Variants in HBS1L observed in about 807,000 individuals in gnomAD.
The protein encoded by HBS1L is HBS1-like protein.
Under a neutral mutation model 88.9 loss-of-function variants are expected in HBS1L, and 55 were observed. The ratio of observed to expected loss-of-function variants is 0.62; its 90% CI spans 0.50 to 0.77. HBS1L has a LOEUF of 0.77. Ranked by LOEUF, HBS1L falls within the 30% of genes least tolerant of loss-of-function variation. HBS1L has a pLI of 0.00. For missense variants in HBS1L, 741 were observed against 829.3 expected (o/e 0.89, Z 1.31); for synonymous variants, 267 against 288.5 (o/e 0.93, Z 0.76).
intron 16 of HBS1L, among the ~76,000 whole-genome samples, chr6:134,967,993 T>C (rs930573694): frequency 2.0e-5 from 3 of 152,220 alleles, no homozygotes; most frequent in African/African-American, 4.8e-5. Context: ...AGAGGTAAAG[T>C]AGCCCTTCCT....
chr6:135,045,615 C>G (rs1250824618), intron 2 of HBS1L, among the ~76,000 whole-genome samples: 1 of 152,290 alleles, frequency 6.6e-6, no homozygotes, highest in Non-Finnish European at 1.5e-5. Flanking sequence ...GCAGGTGGAT[C>G]ACCTGAGGTC....
intron 13 of HBS1L, among the ~76,000 whole-genome samples, chr6:134,982,084 T>C (rs2114774255): frequency 6.6e-6 from 1 of 152,210 alleles, no homozygotes; most frequent in African/African-American, 2.4e-5. Context: ...TGTAGAAGGC[T>C]GCTTTGCCAC....
In HBS1L at chr6:134,969,264, C is replaced by T. The variant is rs753854026; in HGVS notation, c.1872G>A (p.Thr624=). Residue 624 remains threonine, a synonymous_variant, in exon 16 of 18, where the codon ACG becomes ACA. Transcript: ENST00000367837. The part of the protein sequence containing the change: ...KRLISVLNKS[T]GEVTKKKPKF... The stretch of plus-strand genomic sequence containing the variant: ...TAGGCTTTTTCTTTGTGACTTCACC[C>T]GTGCTTTTGTTTAAGACACTAATCA... 29 of 1,612,772 alleles carry T rather than the reference C, an allele frequency of 1.8e-5. No individual in the cohort carries two copies. The highest frequency in any genetic ancestry group is 1.2e-4 in the Admixed American group (7 of 59,996).
Position 134,962,688 on chromosome 6 carries a change from G to A in HBS1L, c.*2591C>T, listed in dbSNP as rs1774212875. The stretch of plus-strand genomic sequence containing the variant: ...AATCTCACAAAGAGTCAAAGTCAGA[G>A]GACAAAGCCATTAGTGTGAAGAAAC... On this transcript the variant is annotated 3_prime_UTR_variant, in exon 18 of 18. Coordinates refer to ENST00000367837, the MANE Select transcript of HBS1L (RefSeq NM_006620.4). The A allele has an allele frequency of 6.6e-6, 1 of 152,140 alleles. No individual in the cohort carries two copies. Among genetic ancestry groups the A allele is most frequent in the Admixed American group, 6.5e-5 (1 of 15,274 alleles). 9.4% of individuals were successfully genotyped at this position (152,140 alleles called of 1,614,324 possible).
At chr6:134,969,177 G>T in intron 16 of HBS1L, 61 bp downstream of exon 16, 1 of 1,061,914 alleles carries the variant, frequency 9.4e-7, no homozygotes, top group Non-Finnish European at 1.5e-6. Context: ...ACACAAATGA[G>T]TTAATCTTTA....
intron 4 of HBS1L, among the ~76,000 whole-genome samples, chr6:135,018,333 A>G (rs1419483608): frequency 6.6e-6 from 1 of 152,070 alleles, no homozygotes; most frequent in South Asian, 2.1e-4. Context: ...CTCACTTTAA[A>G]GCAGCTTTAT....
chr6:135,029,767 T>G (rs1364017681), intron 4 of HBS1L, among the ~76,000 whole-genome samples: 1 of 152,190 alleles, frequency 6.6e-6, no homozygotes, highest in Non-Finnish European at 1.5e-5. Flanking sequence ...TAAATTATGG[T>G]ACAATCATAT....
At chr6:134,978,809 A>G (rs777345352) in intron 14 of HBS1L, 22 bp from the exon 15 acceptor site, 2 of 1,463,188 alleles carry the variant, frequency 1.4e-6, no homozygotes, top group South Asian at 1.2e-5. Context: ...ACAAAAAAAG[A>G]GGAAAGGTAA....
chr6:135,018,857 ACTCT>A (rs905236098), intron 4 of HBS1L, among the ~76,000 whole-genome samples: 2 of 151,592 alleles, frequency 1.3e-5, no homozygotes, highest in African/African-American at 4.8e-5. Context: ...TTTATCCCAA[ACTCT>A]CTCTGAGAGA....
chr6:134,971,076 G>A (rs532740348), intron 15 of HBS1L, among the ~76,000 whole-genome samples: 3 of 149,862 alleles, frequency 2.0e-5, no homozygotes, highest in Non-Finnish European at 4.4e-5. Flanking sequence ...CTTAGACTTT[G>A]GGAACTTTCT....
At chr6:135,013,121 C>G (rs889821012) in intron 4 of HBS1L, among the ~76,000 whole-genome samples, 2 of 152,196 alleles carry the variant, frequency 1.3e-5, no homozygotes, top group African/African-American at 4.8e-5. Context: ...CACTGCATGA[C>G]CTCAAGTGAA....
intron 4 of HBS1L, among the ~76,000 whole-genome samples, chr6:135,007,700 T>G (rs1775652056): frequency 1.3e-5 from 2 of 152,160 alleles, no homozygotes; most frequent in African/African-American, 4.8e-5. Flanking sequence ...AAGTCATAGA[T>G]CAATAAGAGA....
intron 4 of HBS1L, among the ~76,000 whole-genome samples, chr6:135,023,260 C>G (rs888255288): frequency 6.6e-6 from 1 of 151,842 alleles, no homozygotes; most frequent in Non-Finnish European, 1.5e-5. Flanking sequence ...CTGGCTAACA[C>G]GGTGAAACCC....
intron 2 of HBS1L, among the ~76,000 whole-genome samples, chr6:135,042,745 G>A (rs111583606): frequency 0.035 from 5,330 of 151,304 alleles, 331 homozygotes; most frequent in African/African-American, 0.12. Flanking sequence ...CCCAGGAGGC[G>A]GAGGTTGCAG....
intron 4 of HBS1L, among the ~76,000 whole-genome samples, chr6:135,012,701 A>G (rs1775809718): frequency 6.6e-6 from 1 of 152,188 alleles, no homozygotes; most frequent in Admixed American, 6.5e-5. Context: ...TCCCTGACAT[A>G]AACACTCTTG....
chr6:134,985,338 T>C lies in HBS1L; in HGVS notation c.1492+3A>G, dbSNP rs368906519. 7 of 1,596,106 alleles carry C rather than the reference T, an allele frequency of 4.4e-6. No individual in the cohort carries two copies. Among genetic ancestry groups the C allele is most frequent in the Non-Finnish European group, 6.0e-6 (7 of 1,168,638 alleles). ...GAAGAAGCACTACAAAGGTAGCACT[T>C]ACCTTTGAAAACATCGGACACACAT... On this transcript the variant is annotated splice_donor_region_variant and intron_variant, in intron 12 of 17. Coordinates refer to ENST00000367837, the MANE Select transcript of HBS1L (RefSeq NM_006620.4).
At chr6:134,986,474 C>A (rs1182455713) in intron 10 of HBS1L, among the ~76,000 whole-genome samples, 1 of 152,014 alleles carries the variant, frequency 6.6e-6, no homozygotes, top group Non-Finnish European at 1.5e-5. Context: ...CCTCTATGAC[C>A]TCCCTAAACC....
chr6:134,965,810 T>C (rs994351251), intron 17 of HBS1L, among the ~76,000 whole-genome samples: 2 of 152,192 alleles, frequency 1.3e-5, no homozygotes, highest in Admixed American at 1.3e-4. Flanking sequence ...TTAAATTATG[T>C]ATATAGAGTT....
intron 13 of HBS1L, among the ~76,000 whole-genome samples, chr6:134,979,592 T>C (rs537646673): frequency 1.3e-5 from 2 of 152,228 alleles, no homozygotes; most frequent in South Asian, 4.1e-4. Flanking sequence ...ATTTCTATCA[T>C]ATTAATGGAT....
Sources: allele counts gnomAD v4.1 joint callset (sites outside exome capture counted in the v4.1 genomes callset), GRCh38; gene constraint gnomAD v4.1.1; transcripts MANE v1.5; gene names NCBI Gene and HGNC (gene_info 2026-07-23, HGNC 2026-07-21).